FBXO27: variants seen among roughly 807,000 people sequenced by gnomAD.
FBXO27 encodes the protein F-box only protein 27.
In FBXO27, 28 loss-of-function variants were observed where a neutral mutation model predicts 28.3. That is an observed-to-expected ratio of 0.99 (90% CI 0.73 to 1.36). The LOEUF is 1.36. Ranked by LOEUF, FBXO27 falls within the 40% of genes most tolerant of loss-of-function variation. The pLI is 0.00. For missense variants in FBXO27, 388 were observed against 394.1 expected (o/e 0.98, Z 0.13); for synonymous variants, 175 against 167.3 (o/e 1.05, Z -0.36).
chr19:39,015,859 T>C (rs1375729465), intron 1 of FBXO27, among the ~76,000 whole-genome samples: 3 of 151,864 alleles, frequency 2.0e-5, no homozygotes, highest in Non-Finnish European at 4.4e-5. Context: ...TCGTTTGAGG[T>C]GAGGAGTTCA....
intron 2 of FBXO27, among the ~76,000 whole-genome samples, chr19:39,031,619 A>C (rs1600229524): frequency 8.8e-6 from 1 of 113,388 alleles, no homozygotes; most frequent in Admixed American, 9.2e-5. Context: ...TCAGCCCTGC[A>C]CCCTGCGTGC....
At chr19:39,027,079 T>A (rs937163662) in intron 4 of FBXO27, 74 bp from the exon 5 acceptor site, 1 of 1,577,646 alleles carries the variant, frequency 6.3e-7, no homozygotes, top group Non-Finnish European at 8.6e-7. Flanking sequence ...CTTGTCCGAA[T>A]GCCCTTCCCA....
chr19:39,013,777 G>A lies in FBXO27; in HGVS notation c.252+610C>T, dbSNP rs540537882. Among the ~76,000 whole-genome samples the A allele has an allele frequency of 2.6e-5, 4 of 152,240 alleles. No individual in the cohort carries two copies. In the East Asian group the frequency reaches 7.7e-4, roughly 29 times the overall value. On this transcript the variant is annotated intron_variant, in intron 2 of 2. Coordinates refer to the FBXO27 transcript ENST00000598394. ...ATCTGTAATCCCAGCACTTTGGGAG[G>A]CCAAGGCAGGCGGATCACGAGGTCA...
chr19:39,026,832 C>T, intron 5 of FBXO27, 38 bp downstream of exon 5: 1 of 1,612,738 alleles, frequency 6.2e-7, no homozygotes, highest in Non-Finnish European at 8.5e-7. Flanking sequence ...GCAATAGGCC[C>T]CCAGCATCCT....
chr19:39,028,145 C>T (rs746851090), intron 4 of FBXO27, among the ~76,000 whole-genome samples: 4 of 151,798 alleles, frequency 2.6e-5, no homozygotes, highest in African/African-American at 7.3e-5. Flanking sequence ...GCAGGAGAAT[C>T]GCTGGAACCC....
At chr19:39,022,964 AT>A (rs998919143), downstream of FBXO27, among the ~76,000 whole-genome samples, 134 of 145,062 alleles carry the variant, frequency 9.2e-4, no homozygotes, top group Middle Eastern at 3.6e-3. Flanking sequence ...TGCCTGGCTA[AT>A]TTTTTTTTTT....
intron 4 of FBXO27, chr19:39,030,624 C>CT (rs386388995): frequency 1.9e-4 from 34 of 183,454 alleles, no homozygotes; most frequent in South Asian, 4.5e-4. Flanking sequence ...TCTTTTCTTT[C>CT]TTTTTTTTTT....
chr19:39,029,524 C>A (rs1249748673), intron 4 of FBXO27, among the ~76,000 whole-genome samples: 1 of 151,772 alleles, frequency 6.6e-6, no homozygotes, highest in African/African-American at 2.4e-5. Context: ...GGGACCACAC[C>A]TTAGTGAGGG....
intron 2 of FBXO27, among the ~76,000 whole-genome samples, chr19:39,013,251 C>A (rs1270700182): frequency 6.6e-6 from 1 of 152,184 alleles, no homozygotes; most frequent in Non-Finnish European, 1.5e-5. Context: ...AAGTGTCCAA[C>A]CTGTCAGAAG....
chr19:39,009,026 T>G (rs113145904), intron 2 of FBXO27, among the ~76,000 whole-genome samples: 23 of 152,308 alleles, frequency 1.5e-4, no homozygotes, highest in African/African-American at 5.0e-4. Context: ...TTCACCATAT[T>G]AGCCAGGCTG....
At chr19:39,006,916 A>C (rs1019527814) in intron 2 of FBXO27, among the ~76,000 whole-genome samples, 39 of 151,952 alleles carry the variant, frequency 2.6e-4, no homozygotes, top group Non-Finnish European at 4.9e-4. Flanking sequence ...CCATCTCTAC[A>C]AAAGATGCAA....
chr19:39,018,809 C>G (rs2072831137), intron 1 of FBXO27, among the ~76,000 whole-genome samples: 1 of 152,148 alleles, frequency 6.6e-6, no homozygotes, highest in African/African-American at 2.4e-5. Context: ...TGGCTCACGC[C>G]TGGAATCCCA....
At chr19:39,023,337 C>G (rs2072854831), downstream of FBXO27, among the ~76,000 whole-genome samples, 1 of 152,126 alleles carries the variant, frequency 6.6e-6, no homozygotes, top group African/African-American at 2.4e-5. Flanking sequence ...TTTTTCCCAT[C>G]TGGCTTATCG....
intron 1 of FBXO27, among the ~76,000 whole-genome samples, chr19:39,016,990 C>A (rs1191446964): frequency 6.6e-6 from 1 of 151,914 alleles, no homozygotes; most frequent in African/African-American, 2.4e-5. Context: ...GAGGCTGAAG[C>A]AGGAGGATCA....
downstream of FBXO27, among the ~76,000 whole-genome samples, chr19:39,020,987 A>T (rs1301807885): frequency 6.6e-6 from 1 of 151,682 alleles, no homozygotes; most frequent in Non-Finnish European, 1.5e-5. Context: ...CCTGAGTAGC[A>T]GGGATTACAG....
intron 1 of FBXO27, among the ~76,000 whole-genome samples, chr19:39,015,944 C>T (rs1355690442): frequency 6.6e-6 from 1 of 152,026 alleles, no homozygotes; most frequent in East Asian, 1.9e-4. Context: ...TGGTAGCAGT[C>T]ACCTGTAATC....
intron 2 of FBXO27, among the ~76,000 whole-genome samples, chr19:39,010,664 G>A (rs373441263): frequency 6.6e-6 from 1 of 152,150 alleles, no homozygotes; most frequent in African/African-American, 2.4e-5. Flanking sequence ...GCATTGACTC[G>A]ATGACCCAAA....
At chr19:39,021,055 T>C (rs2072843274), downstream of FBXO27, among the ~76,000 whole-genome samples, 1 of 152,108 alleles carries the variant, frequency 6.6e-6, no homozygotes, top group Admixed American at 6.6e-5. Context: ...TTTCGCCATG[T>C]TGGCCAGGCT....
downstream of FBXO27, among the ~76,000 whole-genome samples, chr19:39,023,146 C>T (rs1371332510): frequency 1.3e-5 from 2 of 152,088 alleles, no homozygotes; most frequent in East Asian, 1.9e-4. Context: ...ACCATGTTGG[C>T]TAGCCTGGTC....
Sources: gnomAD v4.1 joint callset for allele counts (sites outside exome capture counted in the v4.1 genomes callset) on GRCh38, gnomAD v4.1.1 for gene constraint, MANE v1.5 for transcripts, NCBI Gene and HGNC (gene_info 2026-07-23, HGNC 2026-07-21) for gene names.